CECR2: variants seen among roughly 807,000 people sequenced by gnomAD.
The protein encoded by CECR2 is CECR2 histone acetyl-lysine reader.
A neutral mutation model predicts 154.5 loss-of-function variants in CECR2; 30 were observed. The observed-to-expected ratio is 0.19, with a 90% CI of 0.15 to 0.26. The LOEUF is 0.26. CECR2 is among the 10% of genes least tolerant of loss of function. The pLI, the probability that CECR2 is intolerant of heterozygous loss-of-function variation, is 1.00. For synonymous variants in CECR2, 725 were observed against 683.7 expected, an observed-to-expected ratio of 1.06 and a Z score of -0.94; for missense variants, 1,743 against 1,829.3, an observed-to-expected ratio of 0.95 and a Z score of 0.86.
At chr22:17,506,790 A>T (rs894859398) in intron 7 of CECR2, among the ~76,000 whole-genome samples, 1 of 152,098 alleles carries the variant, frequency 6.6e-6, no homozygotes, top group African/African-American at 2.4e-5. Flanking sequence ...AGTAGCTGGG[A>T]CTATAGGCGT....
chr22:17,490,876 A>G (rs114376935), intron 2 of CECR2, among the ~76,000 whole-genome samples: 2,255 of 119,514 alleles, frequency 0.019, 22 homozygotes, highest in African/African-American at 0.032. Context: ...ACCATTAGCA[A>G]TCATTCCCTG....
At chr22:17,532,941 G>C (rs1006587168) in intron 9 of CECR2, among the ~76,000 whole-genome samples, 1 of 151,324 alleles carries the variant, frequency 6.6e-6, no homozygotes, top group Middle Eastern at 3.4e-3. Flanking sequence ...GGCTGTTCTT[G>C]AACTCCTGAC....
At chr22:17,505,238 A>G (rs1389948582) in intron 7 of CECR2, among the ~76,000 whole-genome samples, 2 of 151,690 alleles carry the variant, frequency 1.3e-5, no homozygotes, top group Non-Finnish European at 2.9e-5. Flanking sequence ...CTCAGTGTCT[A>G]CCACCCACCA....
intron 1 of CECR2, among the ~76,000 whole-genome samples, chr22:17,407,417 G>C (rs1180372140): frequency 6.6e-6 from 1 of 152,186 alleles, no homozygotes; most frequent in Non-Finnish European, 1.5e-5. Context: ...CCAACATAGT[G>C]AAACCCCATC....
intron 15 of CECR2, 74 bp downstream of exon 15, chr22:17,542,041 G>C (rs543911027): frequency 1.9e-6 from 3 of 1,577,354 alleles, no homozygotes; most frequent in Non-Finnish European, 1.7e-6. Context: ...TCTCTTTCCA[G>C]GTTAAATGTT....
chr22:17,389,887 C>G (rs1234550813), intron 1 of CECR2, among the ~76,000 whole-genome samples: 1 of 152,116 alleles, frequency 6.6e-6, no homozygotes, highest in Non-Finnish European at 1.5e-5. Context: ...CTCGGCGTCC[C>G]AAAATGCTGG....
Position 17,497,586 on chromosome 22 carries a change from G to A in CECR2, c.405G>A (p.Lys135=), listed in dbSNP as rs747245984. Reference sequence around the variant, plus strand: ...CAGACGATGTCTTCGATCTTCTAAAGGTATGCTTAACTGGCGAACCTTTCC... The same window carrying A: ...CAGACGATGTCTTCGATCTTCTAAAAGTATGCTTAACTGGCGAACCTTTCC... ...LDADDVFDLL[K]GLDADSLRVE... Residue 135 remains lysine (K), a splice_region_variant and synonymous_variant, in exon 3 of 19, where the codon AAG becomes AAA. Transcript: ENST00000262608. The A allele has an allele frequency of 9.9e-6, 16 of 1,613,476 alleles. No homozygotes were observed. The Middle Eastern group carries it at 8.2e-4, about 83-fold the overall frequency.
intron 1 of CECR2, among the ~76,000 whole-genome samples, chr22:17,371,345 T>G (rs776343224): frequency 2.7e-4 from 41 of 152,218 alleles, no homozygotes; most frequent in Non-Finnish European, 4.7e-4. Flanking sequence ...TGAGGAAATG[T>G]GGGCTTCTCC....
intron 1 of CECR2, among the ~76,000 whole-genome samples, chr22:17,468,397 T>A (rs1457390082): frequency 6.6e-6 from 1 of 152,154 alleles, no homozygotes; most frequent in Non-Finnish European, 1.5e-5. Context: ...TTAACTATAT[T>A]GCCCAGGTGT....
intron 1 of CECR2, among the ~76,000 whole-genome samples, chr22:17,412,728 T>C (rs894843581): frequency 2.6e-5 from 4 of 152,108 alleles, no homozygotes; most frequent in African/African-American, 7.2e-5. Context: ...TTCTTGAGTC[T>C]CCATCCGCCT....
At position 17,496,420 on chromosome 22, in the gene CECR2, A is replaced by G. The variant is rs1398932923; in HGVS notation, c.222-983A>G. ...GAGGCTGAGGCAGGAGAATGGCATG[A>G]ACCCGGGAGGTGGAGCTTGCAGTGA... On this transcript the variant is annotated intron_variant, in intron 2 of 18. Transcript: ENST00000262608. Among the ~76,000 whole-genome samples, 3 of 151,934 alleles carry G rather than the reference A, an allele frequency of 2.0e-5. No homozygotes were observed. In the East Asian group the frequency reaches 5.8e-4, roughly 29 times the overall value.
chr22:17,472,599 A>C (rs891021541), intron 1 of CECR2, among the ~76,000 whole-genome samples: 1 of 152,160 alleles, frequency 6.6e-6, no homozygotes, highest in Non-Finnish European at 1.5e-5. Flanking sequence ...CCCCCTCCTT[A>C]AATACACTCA....
chr22:17,533,271 CAT>C (rs2056386900), intron 9 of CECR2, among the ~76,000 whole-genome samples: 1 of 148,706 alleles, frequency 6.7e-6, no homozygotes, highest in African/African-American at 2.5e-5. Context: ...AGTGTGTTAA[CAT>C]AGCGCCACCG....
chr22:17,520,722 C>A (rs1356847342), intron 8 of CECR2, among the ~76,000 whole-genome samples: 1 of 152,044 alleles, frequency 6.6e-6, no homozygotes, highest in Non-Finnish European at 1.5e-5. Flanking sequence ...TGGTTTCCAG[C>A]TTCATTCATG....
chr22:17,384,625 T>TAAAC (rs1456482880), intron 1 of CECR2, among the ~76,000 whole-genome samples: 1 of 152,230 alleles, frequency 6.6e-6, no homozygotes, highest in Non-Finnish European at 1.5e-5. Context: ...AACCATGCTG[T>TAAAC]AAACAGATGT....
intron 1 of CECR2, among the ~76,000 whole-genome samples, chr22:17,444,353 G>A (rs2054627464): frequency 6.6e-6 from 1 of 152,176 alleles, no homozygotes; most frequent in South Asian, 2.1e-4. Flanking sequence ...TTGGCCAGGT[G>A]CAGTGGCTCA....
upstream of CECR2, among the ~76,000 whole-genome samples, chr22:17,365,083 G>A (rs1290909776): frequency 6.6e-6 from 1 of 152,018 alleles, no homozygotes; most frequent in Non-Finnish European, 1.5e-5. Flanking sequence ...AACTAGCCAG[G>A]CGTGGTGGTG....
intron 7 of CECR2, among the ~76,000 whole-genome samples, chr22:17,506,129 G>A (rs2055840358): frequency 6.6e-6 from 1 of 152,112 alleles, no homozygotes; most frequent in South Asian, 2.1e-4. Flanking sequence ...TTATAGGCAT[G>A]AGCCACTGTG....
chr22:17,549,711 C>A, intron 17 of CECR2, 147 bp downstream of exon 17: 2 of 621,938 alleles, frequency 3.2e-6, no homozygotes, highest in Non-Finnish European at 5.5e-6. Context: ...CTCCCAGGCT[C>A]AAGGATCCTC....
Sources: allele counts gnomAD v4.1 joint callset (sites outside exome capture counted in the v4.1 genomes callset), GRCh38; gene constraint gnomAD v4.1.1; transcripts MANE v1.5; gene names NCBI Gene and HGNC (gene_info 2026-07-23, HGNC 2026-07-21).